GALNT18: variants seen among roughly 807,000 people sequenced by gnomAD.
GALNT18 encodes the protein GalNAc-transferase 18.
GALNT18 carries 44 observed loss-of-function variants against 69.5 expected under a neutral mutation model. The ratio of observed to expected loss-of-function variants is 0.63; its 90% CI spans 0.50 to 0.81. The LOEUF (loss-of-function observed/expected upper bound fraction) is 0.81. Ranked by LOEUF, GALNT18 falls within the 40% of genes least tolerant of loss-of-function variation. The pLI, the probability that GALNT18 is intolerant of heterozygous loss-of-function variation, is 0.00. For missense variants in GALNT18, 715 were observed against 810.0 expected (o/e 0.88, Z 1.42); for synonymous variants, 364 against 318.2 (o/e 1.14, Z -1.53).
rs1270515709 is a variant in GALNT18, at chr11:11,271,127, G to A, written c.*17C>T. 5.6e-6 allele frequency: 9 copies of A among 1,603,178 alleles called. 1 individual carries two copies. The Admixed American group carries it at 1.0e-4, about 18-fold the overall frequency. ...CTACACAGTAGCAAAGAGGCAGCCG[G>A]AAGTGGCCCCGGTGGGTCAGGACGC... is the stretch of plus-strand genomic sequence containing the variant. On this transcript the variant is annotated 3_prime_UTR_variant, in exon 11 of 11. Coordinates refer to ENST00000227756, the MANE Select transcript of GALNT18 (RefSeq NM_198516.3).
intron 1 of GALNT18, among the ~76,000 whole-genome samples, chr11:11,520,918 T>C (rs1857382143): frequency 7.0e-6 from 1 of 143,564 alleles, no homozygotes; most frequent in South Asian, 2.1e-4. Flanking sequence ...CCTGCATTCC[T>C]GGCAGGGATC....
rs535438230 is a variant in GALNT18 at position 11,596,792 on chromosome 11, CAG to C, written c.235+24565_235+24566del. The stretch of plus-strand genomic sequence containing the variant: ...GATACATGATTATGTCATCTGCAAA[CAG>C]AGATAGTTTTACTTTCTTTAAAACA... On this transcript the variant is annotated intron_variant, in intron 1 of 10. Transcript: ENST00000227756. This position sits in a 1 kb window ranked among gnomAD's most constrained non-coding sequence, Gnocchi z 4.2. Among the ~76,000 whole-genome samples, 6 of 152,178 alleles carry C rather than the reference CAG, an allele frequency of 3.9e-5. No individual in the cohort carries two copies. The highest frequency in any genetic ancestry group is 1.3e-4 in the Admixed American group (2 of 15,288).
At chr11:11,277,805 G>A (rs1848981682) in intron 10 of GALNT18, among the ~76,000 whole-genome samples, 1 of 152,200 alleles carries the variant, frequency 6.6e-6, no homozygotes, top group South Asian at 2.1e-4. Context: ...ATGTAATTGT[G>A]CAGTTTTGAG....
intron 3 of GALNT18, among the ~76,000 whole-genome samples, chr11:11,420,335 T>G (rs1450025963): frequency 6.6e-6 from 1 of 152,146 alleles, no homozygotes; most frequent in Non-Finnish European, 1.5e-5. Flanking sequence ...AAGGAGGTGC[T>G]CATCTTCCGA....
At position 11,413,076 on chromosome 11, in the gene GALNT18, T is replaced by A. The variant is rs1259466799; in HGVS notation, c.595+19545A>T. On this transcript the variant is annotated intron_variant, in intron 3 of 10. Transcript: ENST00000227756. This position sits in a 1 kb window ranked among gnomAD's most constrained non-coding sequence, Gnocchi z 4.7. ...GGTGCCTGGCAGCTCTTATTGGTGGTCTCCCTTCCTTGTCTTATCTCCCTA... is the reference window on the plus strand; with the variant it reads ...GGTGCCTGGCAGCTCTTATTGGTGGACTCCCTTCCTTGTCTTATCTCCCTA... 6.6e-6 allele frequency among the ~76,000 whole-genome samples: 1 copy of A among 152,180 alleles called. No individual in the cohort carries two copies. Among genetic ancestry groups the A allele is most frequent in the East Asian group, 1.9e-4 (1 of 5,190 alleles).
intron 1 of GALNT18, among the ~76,000 whole-genome samples, chr11:11,455,611 GCCAGAC>G (rs574096769): frequency 7.2e-5 from 11 of 152,198 alleles, no homozygotes; most frequent in Non-Finnish European, 1.6e-4. Context: ...AAACCAAGAA[GCCAGAC>G]CCAGAGCATC....
At chr11:11,427,236 G>A (rs568425220) in intron 3 of GALNT18, among the ~76,000 whole-genome samples, 95 of 152,310 alleles carry the variant, frequency 6.2e-4, no homozygotes, top group African/African-American at 2.1e-3. Context: ...CCTACATAAC[G>A]GCCACTTACA....
At position 11,338,246 on chromosome 11, in the gene GALNT18, G is replaced by A. The variant is rs1368838399; in HGVS notation, c.1278+2573C>T. 6.6e-6 allele frequency among the ~76,000 whole-genome samples: 1 copy of A among 152,170 alleles called. No individual in the cohort carries two copies. Among genetic ancestry groups the A allele is most frequent in the East Asian group, 1.9e-4 (1 of 5,190 alleles). ...GCCTCCCAAAGTGCTGGCATTACAG[G>A]CATGAGCCACTGCGCCTGGCCTCAT... On this transcript the variant is annotated intron_variant, in intron 7 of 10. Coordinates refer to ENST00000227756, the MANE Select transcript of GALNT18 (RefSeq NM_198516.3). This position sits in a 1 kb window ranked among gnomAD's most constrained non-coding sequence, Gnocchi z 5.3.
intron 6 of GALNT18, chr11:11,353,241 GC>G: frequency 1.6e-6 from 2 of 1,258,766 alleles, no homozygotes; most frequent in South Asian, 2.8e-5. Flanking sequence ...TGTGGTGGAA[GC>G]GGCAGCGGCT....
intron 6 of GALNT18, among the ~76,000 whole-genome samples, chr11:11,361,778 C>T (rs886937577): frequency 1.3e-5 from 2 of 152,182 alleles, no homozygotes; most frequent in African/African-American, 2.4e-5. Context: ...GAAAATTAAA[C>T]AGCCATAAAT....
chr11:11,597,806 G>A (rs1258547658), intron 1 of GALNT18, among the ~76,000 whole-genome samples: 1 of 151,862 alleles, frequency 6.6e-6, no homozygotes, highest in South Asian at 2.1e-4. Context: ...GACTACAGGC[G>A]CCTGCCACCA....
At chr11:11,558,910 G>C (rs1019573958) in intron 1 of GALNT18, among the ~76,000 whole-genome samples, 1 of 152,182 alleles carries the variant, frequency 6.6e-6, no homozygotes, top group African/African-American at 2.4e-5. Context: ...CTCACCTCTA[G>C]TCCAGAGTTT....
chr11:11,520,058 G>A (rs11021889), intron 1 of GALNT18, among the ~76,000 whole-genome samples: 31,537 of 152,188 alleles, frequency 0.21, 3,831 homozygotes, highest in Non-Finnish European at 0.25. Flanking sequence ...GGGAGCAGGA[G>A]CACAACCGCC....
At chr11:11,277,321 T>C (rs183212852) in intron 10 of GALNT18, among the ~76,000 whole-genome samples, 32 of 152,360 alleles carry the variant, frequency 2.1e-4, no homozygotes, top group Non-Finnish European at 3.8e-4. Context: ...AGTATTCTGA[T>C]GGTAGTTTGT....
At chr11:11,293,314 C>G in intron 9 of GALNT18, 121 bp from the exon 10 acceptor site, 2 of 678,726 alleles carry the variant, frequency 2.9e-6, no homozygotes, top group Non-Finnish European at 4.2e-6. Flanking sequence ...ACCCCGGAGT[C>G]TTCACATCCA....
intron 1 of GALNT18, among the ~76,000 whole-genome samples, chr11:11,532,651 T>C (rs1857682151): frequency 6.6e-6 from 1 of 152,198 alleles, no homozygotes; most frequent in African/African-American, 2.4e-5. Flanking sequence ...TTGAACAACA[T>C]AATGGAATAT....
rs912083288 is a variant in GALNT18 at position 11,465,609 on chromosome 11, T to A, written c.236-16673A>T. On this transcript the variant is annotated intron_variant, in intron 1 of 10. Coordinates refer to ENST00000227756, the MANE Select transcript of GALNT18 (RefSeq NM_198516.3). This position sits in a 1 kb window ranked among gnomAD's most constrained non-coding sequence, Gnocchi z 5.7. ...CAGAGAGGCCTGGAGGTGACAAGCT[T>A]CTCTGCTGCTGGGGCTGATCAGGGG... 2.0e-5 allele frequency among the ~76,000 whole-genome samples: 3 copies of A among 152,062 alleles called. No individual in the cohort carries two copies. The highest frequency in any genetic ancestry group is 4.4e-5 in the Non-Finnish European group (3 of 68,000).
At chr11:11,390,513 T>C (rs1854161450) in intron 3 of GALNT18, among the ~76,000 whole-genome samples, 1 of 152,100 alleles carries the variant, frequency 6.6e-6, no homozygotes. Context: ...GAGTTAAGGC[T>C]CCCACAGGCT....
rs887672761 is a variant in GALNT18 at position 11,480,902 on chromosome 11, C to A, written c.236-31966G>T. On this transcript the variant is annotated intron_variant, in intron 1 of 10. Transcript: ENST00000227756. The surrounding 1 kb of genome is among the most constrained non-coding windows in gnomAD (Gnocchi z 4.6). ...GGACTTCTCAGGCCTTTCTTGGGAA[C>A]CTCCAAGAGTGAAATGTACCTACAG... is the stretch of plus-strand genomic sequence containing the variant. 2.0e-5 allele frequency among the ~76,000 whole-genome samples: 3 copies of A among 152,146 alleles called. No individual in the cohort carries two copies. The highest frequency in any genetic ancestry group is 4.4e-5 in the Non-Finnish European group (3 of 68,032).
Sources: gnomAD v4.1 joint callset for allele counts (sites outside exome capture counted in the v4.1 genomes callset) on GRCh38, gnomAD v4.1.1 for gene constraint, Gnocchi (gnomAD v3.1) non-coding constraint, MANE v1.5 for transcripts, NCBI Gene and HGNC (gene_info 2026-07-23, HGNC 2026-07-21) for gene names.